EPHA1: variants seen among roughly 807,000 people sequenced by gnomAD.
The protein encoded by EPHA1 is ephrin type-A receptor 1.
EPHA1 carries 92 observed loss-of-function variants against 110.1 expected under a neutral mutation model. That is an observed-to-expected ratio of 0.84 (90% CI 0.71 to 0.99). The LOEUF (loss-of-function observed/expected upper bound fraction) is 0.99, where lower values mean the gene tolerates loss of function less well. Among genes scored for constraint, EPHA1 ranks in the 50% least tolerant of loss-of-function variants. The pLI is 0.00. For synonymous variants in EPHA1, 500 were observed against 516.1 expected (o/e 0.97, Z 0.42); for missense variants, 1,204 against 1,285.4 (o/e 0.94, Z 0.97).
rs116896514 is a variant in EPHA1 at position 143,397,846 on chromosome 7, G to C, written c.1615+74C>G. 3 of 1,585,728 alleles carry C rather than the reference G, an allele frequency of 1.9e-6. No individual in the cohort carries two copies. The East Asian group carries it at 6.7e-5, about 36-fold the overall frequency. ...GTAGAGGAAGAGGAAAAGTCACTAC[G>C]TGGAACAGGAGCTGAGTTGCCTCAG... On this transcript the variant is annotated intron_variant, in intron 8 of 17. Transcript: ENST00000275815.
chr7:143,393,766 A>G lies in EPHA1; in HGVS notation c.2601T>C (p.Arg867=), dbSNP rs377643234. Residue 867 remains arginine (R), a synonymous_variant, in exon 16 of 18, where the codon CGT becomes CGC. Transcript: ENST00000275815. This position sits in a 1 kb window ranked among gnomAD's most constrained non-coding sequence, Gnocchi z 5.6. The part of the protein sequence containing the change: ...ELMKNCWAYD[R]ARRPHFQKLQ... ...GCTTCTGGAAGTGTGGCCGGCGGGC[A>G]CGGTCATATGCCCAGCAGTTCTTCA... 3.1e-6 allele frequency: 5 copies of G among 1,613,252 alleles called. No individual in the cohort carries two copies. In the African/African-American group the frequency reaches 6.7e-5, roughly 22 times the overall value.
Position 143,399,902 on chromosome 7 carries a change from A to C in EPHA1, c.584T>G (p.Val195Gly). 6.2e-7 allele frequency: 1 copy of C among 1,611,850 alleles called. No individual in the cohort carries two copies. Among genetic ancestry groups the C allele is most frequent in the Non-Finnish European group, 8.5e-7 (1 of 1,178,970 alleles). ...GCGCTGGTAGAAGACCCGGACAGAC[A>C]CCAGGGCCACACAGGCACCCGGGTT... ...FHNPGACVAL[V>G]SVRVFYQRCP... The change falls in exon 4 of 18, where the codon GTG becomes GGG. Residue 195 changes from valine (V) to glycine (G), a missense_variant. Coordinates refer to ENST00000275815, the MANE Select transcript of EPHA1 (RefSeq NM_005232.5).
intron 10 of EPHA1, 190 bp from the exon 11 acceptor site, chr7:143,396,700 C>G: frequency 1.6e-6 from 1 of 622,004 alleles, no homozygotes; most frequent in Non-Finnish European, 2.7e-6. Context: ...GTCTATGCTC[C>G]AAGCTCCGCT....
Position 143,398,382 on chromosome 7 carries a change from G to C in EPHA1, c.1403C>G (p.Ala468Gly). ...CCCAGGGCTTCGGGGCCGGGACCCC[G>C]CCCAGGTCAGCTCTAGTTGCCTCGG... Reference protein sequence around the residue: ...KEPRQLELTWAGSRPRSPGAN... With the variant: ...KEPRQLELTWGGSRPRSPGAN... The change falls in exon 7 of 18, where the codon GCG (alanine) becomes GGG (glycine). Residue 468 changes from alanine (A) to glycine (G), a missense_variant. By Grantham distance (60) the Ala-to-Gly change is moderately conservative (BLOSUM62 0). Transcript: ENST00000275815. The C allele has an allele frequency of 1.9e-6, 3 of 1,614,118 alleles. No homozygotes were observed. The highest frequency in any genetic ancestry group is 2.5e-6 in the Non-Finnish European group (3 of 1,179,994).
At chr7:143,404,836 ATAAAG>A (rs1003643859) in intron 2 of EPHA1, among the ~76,000 whole-genome samples, 2 of 152,118 alleles carry the variant, frequency 1.3e-5, no homozygotes, top group Non-Finnish European at 2.9e-5. Flanking sequence ...CTCAAATTCT[ATAAAG>A]TATTCTATTG....
intron 2 of EPHA1, among the ~76,000 whole-genome samples, chr7:143,404,540 T>G (rs545855263): frequency 1.3e-5 from 2 of 152,296 alleles, no homozygotes; most frequent in African/African-American, 4.8e-5. Context: ...TCTTTATATA[T>G]TTATTTAAAA....
In EPHA1 at chr7:143,396,416, C is replaced by T. The variant is rs760790830; in HGVS notation, c.1866G>A (p.Ala622=). 1.9e-5 allele frequency: 31 copies of T among 1,613,320 alleles called. No homozygotes were observed. The highest frequency in any genetic ancestry group is 8.3e-5 in the Admixed American group (5 of 59,956). ...CTATGACAGTGTCCACCATCAGCCACGCTGGATCAAGCTCCCGGGTAAAGT... is the reference window on the plus strand; with the variant it reads ...CTATGACAGTGTCCACCATCAGCCATGCTGGATCAAGCTCCCGGGTAAAGT... ...ALDFTRELDP[A]WLMVDTVIGE... Residue 622 remains alanine, a synonymous_variant, in exon 11 of 18, where the codon GCG becomes GCA. Transcript: ENST00000275815.
chr7:143,392,899 G>A (rs890322498), intron 16 of EPHA1, among the ~76,000 whole-genome samples: 3 of 152,026 alleles, frequency 2.0e-5, no homozygotes, highest in Non-Finnish European at 4.4e-5. Context: ...CTGAGATTGC[G>A]CTGCGTTACT....
Position 143,401,405 on chromosome 7 carries a change from G to A in EPHA1, c.351C>T (p.Gly117=), listed in dbSNP as rs1563119448. 2.5e-6 allele frequency: 4 copies of A among 1,614,112 alleles called. No individual in the cohort carries two copies. Reference sequence around the variant, plus strand: ...ACAGAAGGTTGAAGGTCTCCTTGCAGCCCAGAGGCCCGGCTCCCCCAGGGA... The same window carrying A: ...ACAGAAGGTTGAAGGTCTCCTTGCAACCCAGAGGCCCGGCTCCCCCAGGGA... ...KSFPGGAGPL[G]CKETFNLLYM... Residue 117 remains glycine (G), a synonymous_variant, in exon 3 of 18, where the codon GGC becomes GGT. Coordinates refer to ENST00000275815, the MANE Select transcript of EPHA1 (RefSeq NM_005232.5). The surrounding 1 kb of genome is among the most constrained non-coding windows in gnomAD (Gnocchi z 4.1).
chr7:143,407,033 G>T (rs1805569272), intron 2 of EPHA1, among the ~76,000 whole-genome samples: 1 of 152,094 alleles, frequency 6.6e-6, no homozygotes, highest in African/African-American at 2.4e-5. Context: ...ATGAGCTAAG[G>T]GCTCAGAAAC....
intron 2 of EPHA1, among the ~76,000 whole-genome samples, chr7:143,405,964 C>T (rs899668827): frequency 6.6e-6 from 1 of 152,180 alleles, no homozygotes; most frequent in African/African-American, 2.4e-5. Flanking sequence ...GCTCCAGTAA[C>T]TTAGGCAGCC....
rs761535126 is a variant in EPHA1 at position 143,394,219 on chromosome 7, G to A, written c.2477C>T (p.Pro826Leu). ...CTCCTGATTGCTCATCTCCCCATAAGGCTTGTCCCCAAAGCTCAGCACCTC... is the reference window on the plus strand; with the variant it reads ...CTCCTGATTGCTCATCTCCCCATAAAGCTTGTCCCCAAAGCTCAGCACCTC... ...MWEVLSFGDK[P>L]YGEMSNQEVM... Residue 826 changes from proline (P) to leucine (L), a missense_variant, in exon 15 of 18, where the codon CCT (proline) becomes CTT (leucine). Transcript: ENST00000275815. 5 of 1,614,048 alleles carry A rather than the reference G, an allele frequency of 3.1e-6. No homozygotes were observed. The South Asian group carries it at 4.4e-5, about 14-fold the overall frequency.
In EPHA1 at chr7:143,394,269, C is replaced by T; in HGVS notation, c.2427G>A (p.Val809=). The T allele has an allele frequency of 1.2e-6, 2 of 1,614,104 alleles. No homozygotes were observed. Among genetic ancestry groups the T allele is most frequent in the Non-Finnish European group, 1.7e-6 (2 of 1,180,022 alleles). ...CCCACATCACAATCCCAAAGCTCCA[C>T]ACATCGCTGGCTGTGGTGAAGATCC... ...AHRIFTTASD[V]WSFGIVMWEV... Residue 809 remains valine, a synonymous_variant, in exon 15 of 18, where the codon GTG becomes GTA. Coordinates refer to ENST00000275815, the MANE Select transcript of EPHA1 (RefSeq NM_005232.5).
chr7:143,393,981 G>T lies in EPHA1; in HGVS notation c.2503-117C>A. ...GATCCTAGGATGGGAGGAGGTGGGA[G>T]GACCAGGGTGGGACGATCACAGTGG... is the stretch of plus-strand genomic sequence containing the variant. On this transcript the variant is annotated intron_variant, in intron 15 of 17. Coordinates refer to ENST00000275815, the MANE Select transcript of EPHA1 (RefSeq NM_005232.5). This position sits in a 1 kb window ranked among gnomAD's most constrained non-coding sequence, Gnocchi z 5.6. 7.6e-7 allele frequency: 1 copy of T among 1,310,960 alleles called. No individual in the cohort carries two copies. The allele number at this position is 1,310,960 out of a possible 1,614,324, so 81.2% of individuals were successfully genotyped here.
chr7:143,396,854 C>T lies in EPHA1; in HGVS notation c.1772-344G>A, dbSNP rs536282197. ...CCTCGTTCACATTCCCAGACAGAGC[C>T]GCGCATGGCTCCCACCCCAGCTGCC... On this transcript the variant is annotated intron_variant, in intron 10 of 17. Coordinates refer to ENST00000275815, the MANE Select transcript of EPHA1 (RefSeq NM_005232.5). 7.6e-4 allele frequency among the ~76,000 whole-genome samples: 115 copies of T among 152,260 alleles called. 1 individual carries two copies. The highest frequency in any genetic ancestry group is 3.4e-3 in the Middle Eastern group (1 of 294).
intron 3 of EPHA1, chr7:143,400,958 A>G: frequency 7.4e-6 from 2 of 269,150 alleles, no homozygotes; most frequent in Non-Finnish European, 7.2e-6. Context: ...CAGTGGCACA[A>G]TCATAGATCA....
Position 143,398,375 on chromosome 7 carries a change from G to A in EPHA1, c.1410C>T (p.Ser470=). Residue 470 remains serine, a synonymous_variant, in exon 7 of 18, where the codon TCC becomes TCT. Transcript: ENST00000275815. The stretch of plus-strand genomic sequence containing the variant: ...GGTTCGCCCCAGGGCTTCGGGGCCG[G>A]GACCCCGCCCAGGTCAGCTCTAGTT... ...PRQLELTWAG[S]RPRSPGANLT... 1 of 1,614,132 alleles carries A rather than the reference G, an allele frequency of 6.2e-7. No homozygotes were observed. Among genetic ancestry groups the A allele is most frequent in the Non-Finnish European group, 8.5e-7 (1 of 1,180,004 alleles).
chr7:143,408,852 G>A lies in EPHA1; in HGVS notation c.-47C>T, dbSNP rs1053676947. On this transcript the variant is annotated 5_prime_UTR_variant, in exon 1 of 18. Transcript: ENST00000275815. ...ACAGTGGCCCGGATGGCAGCGCCAGGTTGCAAGGGACTAGGAGAGCCGGGC... is the reference window on the plus strand; with the variant it reads ...ACAGTGGCCCGGATGGCAGCGCCAGATTGCAAGGGACTAGGAGAGCCGGGC... 73 of 1,062,094 alleles carry A rather than the reference G, an allele frequency of 6.9e-5. No homozygotes were observed. The highest frequency in any genetic ancestry group is 8.2e-5 in the Non-Finnish European group (72 of 881,746). 65.8% of individuals were successfully genotyped at this position (1,062,094 alleles called of 1,614,324 possible).
At chr7:143,406,893 A>C (rs1221088695) in intron 2 of EPHA1, among the ~76,000 whole-genome samples, 1 of 152,172 alleles carries the variant, frequency 6.6e-6, no homozygotes. Flanking sequence ...GCTCTCTCAG[A>C]CCCACCTCAC....
Sources: gnomAD v4.1 joint callset for allele counts (sites outside exome capture counted in the v4.1 genomes callset) on GRCh38, gnomAD v4.1.1 for gene constraint, Gnocchi (gnomAD v3.1) non-coding constraint, MANE v1.5 for transcripts, NCBI Gene and HGNC (gene_info 2026-07-23, HGNC 2026-07-21) for gene names.